Variants in PPM1A observed in about 807,000 individuals in gnomAD.
PPM1A encodes the protein protein phosphatase 1A.
PPM1A carries 7 observed loss-of-function variants against 35.0 expected under a neutral mutation model. The ratio of observed to expected loss-of-function variants is 0.20; its 90% CI spans 0.11 to 0.38. PPM1A has a LOEUF of 0.38. PPM1A is among the 10% of genes least tolerant of loss of function. The probability of loss-of-function intolerance (pLI) is 1.00; values close to 1 mark genes in which losing one functional copy is unlikely to be tolerated. For synonymous variants in PPM1A, 153 were observed against 167.3 expected, an observed-to-expected ratio of 0.91 and a Z score of 0.66; for missense variants, 239 against 467.8, an observed-to-expected ratio of 0.51 and a Z score of 4.51.
chr14:60,251,379 C>A (rs912400980), intron 1 of PPM1A, among the ~76,000 whole-genome samples: 1 of 152,122 alleles, frequency 6.6e-6, no homozygotes, highest in Non-Finnish European at 1.5e-5. Context: ...TGGCTTGTAT[C>A]TTTTTATGTA....
chr14:60,291,929 GA>G (rs1887676618), intron 5 of PPM1A, among the ~76,000 whole-genome samples: 1 of 151,952 alleles, frequency 6.6e-6, no homozygotes, highest in African/African-American at 2.4e-5. Flanking sequence ...AAATATTAGA[GA>G]ATTGTTTGCA....
chr14:60,279,263 C>T lies in PPM1A; in HGVS notation c.-20-3421C>T, dbSNP rs551579257. The stretch of plus-strand genomic sequence containing the variant: ...CCTCCTGAGTAGTTGGGATTACAGG[C>T]GCCAGCCACCACACCCGGCTAATTT... On this transcript the variant is annotated intron_variant, in intron 1 of 5. Coordinates refer to ENST00000395076, the MANE Select transcript of PPM1A (RefSeq NM_021003.5). Among the ~76,000 whole-genome samples the T allele has an allele frequency of 1.1e-4, 17 of 152,208 alleles. 1 individual carries two copies. Among genetic ancestry groups the T allele is most frequent in the South Asian group, 2.1e-4 (1 of 4,828 alleles).
At position 60,282,284 on chromosome 14, in the gene PPM1A, G is replaced by A. The variant is rs1886491100; in HGVS notation, c.-20-400G>A. Among the ~76,000 whole-genome samples, 1 of 152,042 alleles carries A rather than the reference G, an allele frequency of 6.6e-6. No individual in the cohort carries two copies. ...GAATGTTCAACCAAGATATATTTGAGTTAGTAGATTTTTTGGGTATGTCAT... is the reference window on the plus strand; with the variant it reads ...GAATGTTCAACCAAGATATATTTGAATTAGTAGATTTTTTGGGTATGTCAT... On this transcript the variant is annotated intron_variant, in intron 1 of 5. Transcript: ENST00000395076. This position sits in a 1 kb window ranked among gnomAD's most constrained non-coding sequence, Gnocchi z 5.1.
chr14:60,291,324 A>C (rs1887610021), intron 4 of PPM1A, 73 bp from the exon 5 acceptor site: 4 of 1,047,162 alleles, frequency 3.8e-6, no homozygotes, highest in South Asian at 1.7e-5. Flanking sequence ...ATTTTAATAA[A>C]CACCTGGCTA....
chr14:60,260,774 C>T (rs528505284), intron 1 of PPM1A, among the ~76,000 whole-genome samples: 1 of 152,244 alleles, frequency 6.6e-6, no homozygotes, highest in East Asian at 1.9e-4. Flanking sequence ...AAATGGAATA[C>T]AGGTAACTTT....
intron 4 of PPM1A, among the ~76,000 whole-genome samples, chr14:60,290,129 T>A (rs1028159092): frequency 1.3e-5 from 2 of 152,184 alleles, no homozygotes; most frequent in Non-Finnish European, 2.9e-5. Context: ...GGGTTGTCTT[T>A]ATTGGAAGCT....
chr14:60,268,238 A>C (rs2040577918), intron 1 of PPM1A: 1 of 943,164 alleles, frequency 1.1e-6, no homozygotes, highest in African/African-American at 1.8e-5. Context: ...GTTTTTCATG[A>C]GCTCTGAAGT....
chr14:60,288,575 G>A (rs1406079934), intron 3 of PPM1A: 1 of 974,832 alleles, frequency 1.0e-6, no homozygotes, highest in Non-Finnish European at 1.2e-6. Flanking sequence ...CTTGCTTTTT[G>A]TTCAGATTTA....
At chr14:60,263,140 C>T (rs1055782485) in intron 1 of PPM1A, among the ~76,000 whole-genome samples, 1 of 152,038 alleles carries the variant, frequency 6.6e-6, no homozygotes, top group Admixed American at 6.6e-5. Context: ...ATTGCTTGAA[C>T]CTGGGAGGTG....
In PPM1A at chr14:60,249,756, G is replaced by A; in HGVS notation, c.-21+79G>A. ...GGCGGCGGCGGCGGGCAGGCCTGGG[G>A]CCTGTAAACAAGCCGGGCGTCTGCC... is the stretch of plus-strand genomic sequence containing the variant. On this transcript the variant is annotated intron_variant, in intron 1 of 5. Transcript: ENST00000395076. This position sits in a 1 kb window ranked among gnomAD's most constrained non-coding sequence, Gnocchi z 4.5. The A allele has an allele frequency of 3.3e-6, 3 of 907,578 alleles. No homozygotes were observed. Among genetic ancestry groups the A allele is most frequent in the Non-Finnish European group, 4.0e-6 (3 of 759,236 alleles). 56.2% of individuals were successfully genotyped at this position (907,578 alleles called of 1,614,324 possible).
At chr14:60,264,342 G>A (rs545685134) in intron 1 of PPM1A, among the ~76,000 whole-genome samples, 1 of 151,902 alleles carries the variant, frequency 6.6e-6, no homozygotes, top group South Asian at 2.1e-4. Flanking sequence ...TTTTCTGGTA[G>A]TTTTTTAAAA....
chr14:60,288,591 GT>G (rs529266794), intron 3 of PPM1A: 4,747 of 779,874 alleles, frequency 6.1e-3, no homozygotes, highest in Middle Eastern at 7.2e-3. Flanking sequence ...ATTTAAGACT[GT>G]TTTTTTTTTT....
chr14:60,291,413 G>T lies in PPM1A; in HGVS notation c.1078G>T (p.Ala360Ser). 1 of 1,573,766 alleles carries T rather than the reference G, an allele frequency of 6.4e-7. No homozygotes were observed. Among genetic ancestry groups the T allele is most frequent in the Non-Finnish European group, 8.6e-7 (1 of 1,156,466 alleles). Residue 360 changes from alanine to serine, a missense_variant, in exon 5 of 6, where the codon GCC (alanine) becomes TCC (serine). Transcript: ENST00000395076. ...ELASKRNVIE[A>S]VYNRLNPYKN... ...TACACTTAGGAGGAATGTTATTGAA[G>T]CCGTTTACAATAGACTGAATCCTTA...
At chr14:60,248,247 C>G (rs1355395246), upstream of PPM1A, among the ~76,000 whole-genome samples, 7 of 152,204 alleles carry the variant, frequency 4.6e-5, no homozygotes, top group African/African-American at 1.4e-4. Context: ...AACTTTAGCT[C>G]ATCTCTACCT....
In PPM1A at chr14:60,249,764, A is replaced by C; in HGVS notation, c.-21+87A>C. The C allele has an allele frequency of 2.3e-6, 2 of 856,984 alleles. No homozygotes were observed. Among genetic ancestry groups the C allele is most frequent in the Non-Finnish European group, 2.8e-6 (2 of 713,124 alleles). 53.1% of individuals were successfully genotyped at this position (856,984 alleles called of 1,614,324 possible). A position where few individuals can be genotyped will look rare whatever the true frequency, so the allele number is the denominator to read the frequency against. On this transcript the variant is annotated intron_variant, in intron 1 of 5. Coordinates refer to ENST00000395076, the MANE Select transcript of PPM1A (RefSeq NM_021003.5). This position sits in a 1 kb window ranked among gnomAD's most constrained non-coding sequence, Gnocchi z 4.5. The stretch of plus-strand genomic sequence containing the variant: ...CGGCGGGCAGGCCTGGGGCCTGTAA[A>C]CAAGCCGGGCGTCTGCCCGGGCGCT...
intron 1 of PPM1A, among the ~76,000 whole-genome samples, chr14:60,276,281 G>C (rs1427848419): frequency 1.3e-5 from 2 of 152,146 alleles, no homozygotes; most frequent in Non-Finnish European, 2.9e-5. Flanking sequence ...TGTGCTGTTT[G>C]TTAACGTTCC....
chr14:60,287,152 C>T (rs973309369), intron 3 of PPM1A: 2 of 940,078 alleles, frequency 2.1e-6, no homozygotes, highest in Non-Finnish European at 2.5e-6. Flanking sequence ...GAAATGGGAT[C>T]CAATTTTAGA....
chr14:60,292,557 C>T lies in PPM1A; in HGVS notation c.*75C>T, dbSNP rs1202581721. The T allele has an allele frequency of 7.5e-7, 1 of 1,327,416 alleles. No homozygotes were observed. The highest frequency in any genetic ancestry group is 1.5e-5 in the African/African-American group (1 of 68,522). 82.2% of individuals were successfully genotyped at this position (1,327,416 alleles called of 1,614,324 possible). A position where few individuals can be genotyped will look rare whatever the true frequency, so the allele number is the denominator to read the frequency against. ...AGCTCAACTTTGTTGAAACTTTTAACATCCATCCTCAACTTTAAGGAAGGG... is the reference window on the plus strand; with the variant it reads ...AGCTCAACTTTGTTGAAACTTTTAATATCCATCCTCAACTTTAAGGAAGGG... On this transcript the variant is annotated 3_prime_UTR_variant, in exon 6 of 6. Transcript: ENST00000395076. The surrounding 1 kb of genome is among the most constrained non-coding windows in gnomAD (Gnocchi z 4.2).
chr14:60,264,354 ATTTCT>A (rs1028085877), intron 1 of PPM1A, among the ~76,000 whole-genome samples: 42 of 151,796 alleles, frequency 2.8e-4, no homozygotes, highest in African/African-American at 7.0e-4. Flanking sequence ...TTTTTAAAAG[ATTTCT>A]TTTCTTTATT....
Sources: allele counts gnomAD v4.1 joint callset (sites outside exome capture counted in the v4.1 genomes callset), GRCh38; gene constraint gnomAD v4.1.1; non-coding constraint Gnocchi (gnomAD v3.1); transcripts MANE v1.5; gene names NCBI Gene and HGNC (gene_info 2026-07-23, HGNC 2026-07-21).